CD300LF: variants seen among roughly 807,000 people sequenced by gnomAD.
The protein encoded by CD300LF is CD300 molecule like family member f.
In CD300LF, 27 loss-of-function variants were observed where a neutral mutation model predicts 32.2. The observed-to-expected ratio is 0.84, with a 90% CI of 0.62 to 1.15. The LOEUF (loss-of-function observed/expected upper bound fraction) is 1.15, where lower values mean the gene tolerates loss of function less well. Ranked by LOEUF, CD300LF falls within the 50% of genes most tolerant of loss-of-function variation. CD300LF has a pLI of 0.00. For synonymous variants in CD300LF, 139 were observed against 143.2 expected (o/e 0.97, Z 0.21); for missense variants, 348 against 356.8 (o/e 0.98, Z 0.20).
In CD300LF at chr17:74,710,798, C is replaced by T. The variant is rs567726405; in HGVS notation, c.43+2026G>A. On this transcript the variant is annotated intron_variant, in intron 1 of 6. Coordinates refer to ENST00000326165, the MANE Select transcript of CD300LF (RefSeq NM_139018.5). Reference sequence around the variant, plus strand: ...AGAAGAATCACTTGAATCTGGGAGGCAGAGGTTGCAGTGAGCCAAGATCGC... The same window carrying T: ...AGAAGAATCACTTGAATCTGGGAGGTAGAGGTTGCAGTGAGCCAAGATCGC... Among the ~76,000 whole-genome samples the T allele has an allele frequency of 6.6e-5, 10 of 151,680 alleles. No homozygotes were observed. The East Asian group carries it at 1.9e-3, about 29-fold the overall frequency.
intron 3 of CD300LF, among the ~76,000 whole-genome samples, chr17:74,701,687 A>G (rs545849000): frequency 6.6e-6 from 1 of 152,186 alleles, no homozygotes; most frequent in Admixed American, 6.5e-5. Flanking sequence ...ACAAAACCCC[A>G]TCGCTACTAA....
intron 3 of CD300LF, among the ~76,000 whole-genome samples, chr17:74,701,243 A>G (rs1197113304): frequency 6.6e-6 from 1 of 152,156 alleles, no homozygotes; most frequent in Non-Finnish European, 1.5e-5. Context: ...AATTGTGTCA[A>G]CCCTATTTGG....
Position 74,695,266 on chromosome 17 carries a change from G to C in CD300LF, c.718-15C>G. The C allele has an allele frequency of 6.2e-7, 1 of 1,613,664 alleles. No homozygotes were observed. The highest frequency in any genetic ancestry group is 8.5e-7 in the Non-Finnish European group (1 of 1,179,740). On this transcript the variant is annotated splice_polypyrimidine_tract_variant and intron_variant, in intron 6 of 6. Transcript: ENST00000326165. The stretch of plus-strand genomic sequence containing the variant: ...GGCAAGGAAGCCTGCAGCAAAGGCG[G>C]GCTCCAGGTCAGAGAGGACGGCAGG...
chr17:74,698,621 C>T, intron 3 of CD300LF, 140 bp from the exon 4 acceptor site: 2 of 1,482,686 alleles, frequency 1.3e-6, no homozygotes, highest in Non-Finnish European at 1.8e-6. Context: ...AACCCTCACT[C>T]CTGGGGATCC....
At chr17:74,700,241 G>A (rs982586688) in intron 3 of CD300LF, among the ~76,000 whole-genome samples, 2 of 152,126 alleles carry the variant, frequency 1.3e-5, no homozygotes, top group African/African-American at 2.4e-5. Flanking sequence ...TTCAGCCCAT[G>A]AAAATGGCCA....
chr17:74,708,636 G>T (rs1242042340), intron 1 of CD300LF, among the ~76,000 whole-genome samples: 2 of 152,314 alleles, frequency 1.3e-5, no homozygotes, highest in East Asian at 3.9e-4. Context: ...CAATAAGGAG[G>T]CTGGACGCGG....
At chr17:74,706,261 A>T (rs989318030) in intron 1 of CD300LF, among the ~76,000 whole-genome samples, 5 of 149,014 alleles carry the variant, frequency 3.4e-5, no homozygotes, top group African/African-American at 1.3e-4. Flanking sequence ...AAAAATAAAA[A>T]ACATTTTAAA....
At chr17:74,698,151 G>A (rs747150246) in intron 4 of CD300LF, among the ~76,000 whole-genome samples, 3 of 152,216 alleles carry the variant, frequency 2.0e-5, no homozygotes, top group Admixed American at 6.5e-5. Flanking sequence ...GGGGAAGGAC[G>A]GAGGTGCAGG....
rs567105929 is a variant in CD300LF, at chr17:74,695,317, C to A, written c.718-66G>T. ...AAGTGACGGTCACGGGGCAGAGGAG[C>A]CCTCGGAGGAGGATAGTGGGGATGG... On this transcript the variant is annotated intron_variant, in intron 6 of 6. Transcript: ENST00000326165. 3.8e-3 allele frequency: 5,950 copies of A among 1,584,644 alleles called. 22 individuals carry two copies. Among genetic ancestry groups the A allele is most frequent in the South Asian group, 8.8e-3 (772 of 87,396 alleles).
At chr17:74,695,966 C>G (rs1428772986) in intron 5 of CD300LF, 107 bp from the exon 6 acceptor site, 4 of 1,386,956 alleles carry the variant, frequency 2.9e-6, no homozygotes, top group African/African-American at 1.4e-5. Context: ...CCAGGTGCCC[C>G]TCTCCCATTT....
chr17:74,703,560 A>G (rs953136253), intron 2 of CD300LF, among the ~76,000 whole-genome samples: 1 of 152,224 alleles, frequency 6.6e-6, no homozygotes, highest in South Asian at 2.1e-4. Flanking sequence ...CCAGCCCTGA[A>G]TGAAATCATC....
rs2032255635 is a variant in CD300LF at position 74,694,590 on chromosome 17, T to G, written c.*506A>C. On this transcript the variant is annotated 3_prime_UTR_variant, in exon 7 of 7. Coordinates refer to ENST00000326165, the MANE Select transcript of CD300LF (RefSeq NM_139018.5). ...TATGAGGACCCTTGTGGTGATATTT[T>G]GGGCCCACCTGAATCAGCAAGAATA... 6.6e-6 allele frequency: 1 copy of G among 152,402 alleles called. No individual in the cohort carries two copies. The highest frequency in any genetic ancestry group is 1.9e-4 in the East Asian group (1 of 5,198). 9.4% of individuals were successfully genotyped at this position (152,402 alleles called of 1,614,324 possible).
chr17:74,702,220 G>A (rs1195177276), intron 3 of CD300LF, among the ~76,000 whole-genome samples: 1 of 151,978 alleles, frequency 6.6e-6, no homozygotes, highest in Non-Finnish European at 1.5e-5. Flanking sequence ...GAGAGTGAAA[G>A]GAAGAAATTA....
chr17:74,711,642 C>G (rs1405072704), intron 1 of CD300LF, among the ~76,000 whole-genome samples: 2 of 152,144 alleles, frequency 1.3e-5, no homozygotes, highest in Non-Finnish European at 1.5e-5. Flanking sequence ...CATTCCTACA[C>G]AAGAGCCCTC....
rs2033210187 is a variant in CD300LF, at chr17:74,703,088, G to T, written c.393C>A (p.Thr131=). The stretch of plus-strand genomic sequence containing the variant: ...TTGGGGAGCTGCTAGTTTCTTCTTG[G>T]GTGACTGGTGCTGTAAACGTAGTGG... The part of the protein sequence containing the change: ...VQVTIDPAPV[T]QEETSSSPTL... The change falls in exon 3 of 7, where the codon ACC becomes ACA. Residue 131 remains threonine (T), a synonymous_variant. Transcript: ENST00000326165. 1 of 1,614,048 alleles carries T rather than the reference G, an allele frequency of 6.2e-7. No homozygotes were observed. Among genetic ancestry groups the T allele is most frequent in the Non-Finnish European group, 8.5e-7 (1 of 1,179,954 alleles).
At chr17:74,705,752 G>A (rs543725841) in intron 1 of CD300LF, among the ~76,000 whole-genome samples, 7 of 151,950 alleles carry the variant, frequency 4.6e-5, no homozygotes, top group South Asian at 2.1e-4. Context: ...ATGCCTCCAC[G>A]CCTGGCTAAT....
chr17:74,695,244 A>C lies in CD300LF; in HGVS notation c.725T>G (p.Leu242Trp). The C allele has an allele frequency of 6.2e-7, 1 of 1,614,052 alleles. No homozygotes were observed. The highest frequency in any genetic ancestry group is 1.3e-5 in the African/African-American group (1 of 75,052). ...TGCATAGGAAATGTCCTCCTTCGGC[A>C]AGGAAGCCTGCAGCAAAGGCGGGCT... ...VEVEYVTMAS[L>W]PKEDISYASL... Residue 242 changes from leucine (L) to tryptophan (W), a missense_variant, in exon 7 of 7, where the codon TTG (leucine) becomes TGG (tryptophan). Leu to Trp is a moderately conservative substitution (Grantham distance 61). Coordinates refer to ENST00000326165, the MANE Select transcript of CD300LF (RefSeq NM_139018.5).
At chr17:74,710,742 C>T (rs2033891946) in intron 1 of CD300LF, among the ~76,000 whole-genome samples, 4 of 151,922 alleles carry the variant, frequency 2.6e-5, no homozygotes, top group African/African-American at 9.7e-5. Context: ...GCTGGCACAC[C>T]TGTAATCCCA....
chr17:74,704,409 G>T, intron 2 of CD300LF, 69 bp downstream of exon 2: 1 of 1,123,092 alleles, frequency 8.9e-7, no homozygotes, highest in Non-Finnish European at 1.3e-6. Flanking sequence ...TAAATCACTT[G>T]AGTAGGACCT....
Sources: gnomAD v4.1 joint callset for allele counts (sites outside exome capture counted in the v4.1 genomes callset) on GRCh38, gnomAD v4.1.1 for gene constraint, MANE v1.5 for transcripts, NCBI Gene and HGNC (gene_info 2026-07-23, HGNC 2026-07-21) for gene names.